TMPRSS15: variants seen among roughly 807,000 people sequenced by gnomAD.
TMPRSS15 encodes transmembrane serine protease 15.
A neutral mutation model predicts 125.3 loss-of-function variants in TMPRSS15; 128 were observed. That is an observed-to-expected ratio of 1.02 (90% CI 0.89 to 1.18). The LOEUF is 1.18. Ranked by LOEUF, TMPRSS15 falls within the 50% of genes most tolerant of loss-of-function variation. The probability of loss-of-function intolerance (pLI) is 0.00; values close to 1 mark genes in which losing one functional copy is unlikely to be tolerated. For synonymous variants in TMPRSS15, 446 were observed against 423.2 expected (o/e 1.05, Z -0.66); for missense variants, 1,283 against 1,212.7 (o/e 1.06, Z -0.86).
intron 1 of TMPRSS15, among the ~76,000 whole-genome samples, chr21:18,474,174 TATATCC>T (rs560294512): frequency 3.5e-4 from 53 of 152,304 alleles, no homozygotes; most frequent in African/African-American, 1.3e-3. Flanking sequence ...TGGGTATTCC[TATATCC>T]ATATCTCATA....
chr21:18,269,858 T>G lies in TMPRSS15; in HGVS notation c.*111A>C. On this transcript the variant is annotated 3_prime_UTR_variant, in exon 25 of 25. Coordinates refer to ENST00000284885, the MANE Select transcript of TMPRSS15 (RefSeq NM_002772.3). ...AGCATTTCATTGACATAGGTAAGAA[T>G]AAAAACCTTTGGTAACTTTTTAAAA... The G allele has an allele frequency of 2.1e-6, 3 of 1,398,140 alleles. No individual in the cohort carries two copies. Among genetic ancestry groups the G allele is most frequent in the Non-Finnish European group, 3.0e-6 (3 of 1,014,094 alleles). 86.6% of individuals were successfully genotyped at this position (1,398,140 alleles called of 1,614,324 possible).
chr21:18,465,011 A>G (rs1978630104), intron 1 of TMPRSS15, among the ~76,000 whole-genome samples: 1 of 152,210 alleles, frequency 6.6e-6, no homozygotes, highest in Admixed American at 6.5e-5. Flanking sequence ...AAAATCCTCA[A>G]TAAAATACAG....
Position 18,341,481 on chromosome 21 carries a change from T to C in TMPRSS15, c.1496A>G (p.Tyr499Cys), listed in dbSNP as rs767144283. The C allele has an allele frequency of 6.2e-7, 1 of 1,614,148 alleles. No homozygotes were observed. The highest frequency in any genetic ancestry group is 8.5e-7 in the Non-Finnish European group (1 of 1,179,996). Residue 499 changes from tyrosine to cysteine, a missense_variant, in exon 13 of 25, where the codon TAT (tyrosine) becomes TGT (cysteine). Transcript: ENST00000284885. ...DIALDDISLT[Y>C]GICNGSLYPE... ...ATAAAGACTCCCATTGCAAATCCCA[T>C]ATGTTAGGCTAATGTCATCCAACGC...
intron 14 of TMPRSS15, among the ~76,000 whole-genome samples, chr21:18,331,696 CAAA>C (rs1467907670): frequency 3.3e-5 from 5 of 152,114 alleles, no homozygotes; most frequent in African/African-American, 1.2e-4. Context: ...TATGAAATTG[CAAA>C]CTTGTTAAAC....
chr21:18,317,446 A>G (rs2075179090), intron 16 of TMPRSS15, among the ~76,000 whole-genome samples: 6 of 138,846 alleles, frequency 4.3e-5, no homozygotes. Context: ...GGGTGTTTTT[A>G]TGGGGGTAAG....
At chr21:18,306,443 G>A (rs1573442) in intron 18 of TMPRSS15, among the ~76,000 whole-genome samples, 45,873 of 151,988 alleles carry the variant, frequency 0.3, 8,577 homozygotes, top group East Asian at 0.54. Flanking sequence ...TCAAAACACC[G>A]CTGCAATGGA....
chr21:18,320,495 T>C (rs2075222576), intron 16 of TMPRSS15, among the ~76,000 whole-genome samples: 1 of 152,152 alleles, frequency 6.6e-6, no homozygotes, highest in Non-Finnish European at 1.5e-5. Flanking sequence ...GAAAATCACA[T>C]ACGAGTTGAA....
At chr21:18,408,192 G>T (rs1481688623), upstream of TMPRSS15, among the ~76,000 whole-genome samples, 2 of 152,154 alleles carry the variant, frequency 1.3e-5, no homozygotes, top group Non-Finnish European at 2.9e-5. Flanking sequence ...GTGTTCATTT[G>T]TTCACAAATA....
At chr21:18,424,657 A>G (rs1168674818) in intron 1 of TMPRSS15, among the ~76,000 whole-genome samples, 1 of 152,180 alleles carries the variant, frequency 6.6e-6, no homozygotes, top group Non-Finnish European at 1.5e-5. Flanking sequence ...AAGAACCGAC[A>G]AAAGGAGCCG....
chr21:18,331,033 A>G (rs934572930), intron 14 of TMPRSS15, among the ~76,000 whole-genome samples: 1 of 144,112 alleles, frequency 6.9e-6, no homozygotes, highest in Admixed American at 7.5e-5. Flanking sequence ...AGATCGCACC[A>G]CTGCACTCCA....
At position 18,431,042 on chromosome 21, in the gene TMPRSS15, C is replaced by CCAGCTAG. The variant is rs535133164; in HGVS notation, c.11-32720_11-32714dup. On this transcript the variant is annotated intron_variant, in intron 1 of 7. Transcript: ENST00000422787. ...AAAGCAATCCATAGGAAGGAACTCT[C>CCAGCTAG]CAGCTAGCAAGACCATTAGTTCATT... 1.3e-4 allele frequency among the ~76,000 whole-genome samples: 20 copies of CCAGCTAG among 152,256 alleles called. No individual in the cohort carries two copies. In the East Asian group the frequency reaches 3.9e-3, roughly 29 times the overall value.
chr21:18,373,485 T>C (rs1195507077), intron 5 of TMPRSS15, among the ~76,000 whole-genome samples: 2 of 152,160 alleles, frequency 1.3e-5, no homozygotes, highest in Non-Finnish European at 2.9e-5. Flanking sequence ...CTCAAATGCA[T>C]ATATTTGTTG....
At chr21:18,352,566 A>G (rs922512921) in intron 10 of TMPRSS15, among the ~76,000 whole-genome samples, 40 of 152,012 alleles carry the variant, frequency 2.6e-4, no homozygotes, top group African/African-American at 9.7e-4. Flanking sequence ...AGACAAATAG[A>G]CCAAACTTCA....
chr21:18,387,621 A>G (rs539904908), intron 3 of TMPRSS15, among the ~76,000 whole-genome samples: 4 of 12,040 alleles, frequency 3.3e-4, no homozygotes, highest in South Asian at 4.6e-3. Context: ...ATACACACAC[A>G]CACACACACA....
At chr21:18,370,021 A>C (rs2075776886) in intron 6 of TMPRSS15, among the ~76,000 whole-genome samples, 1 of 151,416 alleles carries the variant, frequency 6.6e-6, no homozygotes, top group Non-Finnish European at 1.5e-5. Flanking sequence ...GACGGTGTGT[A>C]AGCTTGAGAG....
chr21:18,336,684 G>C (rs1226277077), intron 13 of TMPRSS15, among the ~76,000 whole-genome samples: 2 of 152,138 alleles, frequency 1.3e-5, no homozygotes, highest in Non-Finnish European at 2.9e-5. Context: ...TTTTGAGATT[G>C]AGTCTTACTC....
intron 12 of TMPRSS15, among the ~76,000 whole-genome samples, chr21:18,342,628 C>T (rs1163792530): frequency 6.6e-6 from 1 of 152,182 alleles, no homozygotes; most frequent in Non-Finnish European, 1.5e-5. Flanking sequence ...TCTCCCTGGC[C>T]TTTCCATTTT....
At chr21:18,401,538 C>T (rs1279849016) in intron 1 of TMPRSS15, among the ~76,000 whole-genome samples, 4 of 152,040 alleles carry the variant, frequency 2.6e-5, no homozygotes, top group Non-Finnish European at 5.9e-5. Context: ...AGCAGGCACT[C>T]GTGGACATAA....
At chr21:18,296,789 C>T (rs909862652) in intron 19 of TMPRSS15, among the ~76,000 whole-genome samples, 4 of 152,120 alleles carry the variant, frequency 2.6e-5, no homozygotes, top group African/African-American at 7.2e-5. Context: ...GCTTCATATC[C>T]GATGAGACTC....
Sources: allele counts gnomAD v4.1 joint callset (sites outside exome capture counted in the v4.1 genomes callset), GRCh38; gene constraint gnomAD v4.1.1; transcripts MANE v1.5; gene names NCBI Gene and HGNC (gene_info 2026-07-23, HGNC 2026-07-21).